PTPRN2: variants seen among roughly 807,000 people sequenced by gnomAD.
PTPRN2 encodes the protein protein tyrosine phosphatase receptor type N2.
In PTPRN2, 74 loss-of-function variants were observed where a neutral mutation model predicts 118.8. That is an observed-to-expected ratio of 0.62 (90% CI 0.52 to 0.76). PTPRN2 has a LOEUF of 0.76. Ranked by LOEUF, PTPRN2 falls within the 30% of genes least tolerant of loss-of-function variation. The pLI, the probability that PTPRN2 is intolerant of heterozygous loss-of-function variation, is 0.00. For missense variants in PTPRN2, 1,481 were observed against 1,394.4 expected (o/e 1.06, Z -0.99); for synonymous variants, 641 against 608.0 (o/e 1.05, Z -0.80).
chr7:157,952,153 C>A (rs1353507949), intron 11 of PTPRN2, among the ~76,000 whole-genome samples: 1 of 152,214 alleles, frequency 6.6e-6, no homozygotes, highest in Non-Finnish European at 1.5e-5. Context: ...GCCTCTCGGG[C>A]TGGGCAGGGA....
At chr7:157,672,715 C>T (rs551702524) in intron 13 of PTPRN2, among the ~76,000 whole-genome samples, 2 of 152,352 alleles carry the variant, frequency 1.3e-5, no homozygotes, top group Middle Eastern at 3.4e-3. Flanking sequence ...ATAGTCCCAG[C>T]ACTTATCACT....
chr7:158,534,816 C>G (rs1825549321), intron 1 of PTPRN2, among the ~76,000 whole-genome samples: 1 of 152,160 alleles, frequency 6.6e-6, no homozygotes, highest in Admixed American at 6.5e-5. Context: ...CAGATAACAT[C>G]CTGCTAGATC....
chr7:157,888,575 C>T (rs1422038316), intron 12 of PTPRN2, among the ~76,000 whole-genome samples: 2 of 151,122 alleles, frequency 1.3e-5, no homozygotes, highest in Admixed American at 1.3e-4. Flanking sequence ...TCCAATGCCC[C>T]TTCTCTTGAA....
Position 158,565,019 on chromosome 7 carries a change from C to T in PTPRN2, c.112+22539G>A, listed in dbSNP as rs1454651107. On this transcript the variant is annotated intron_variant, in intron 1 of 22. Transcript: ENST00000389418. The surrounding 1 kb of genome is among the most constrained non-coding windows in gnomAD (Gnocchi z 4.6). ...GCCCCACGTAACGGCTTTACACAAA[C>T]TCTAAAAAGTCATCCCAGCCATGCA... Among the ~76,000 whole-genome samples, 1 of 152,218 alleles carries T rather than the reference C, an allele frequency of 6.6e-6. No homozygotes were observed. Among genetic ancestry groups the T allele is most frequent in the Non-Finnish European group, 1.5e-5 (1 of 68,046 alleles).
intron 5 of PTPRN2, among the ~76,000 whole-genome samples, chr7:158,178,228 G>T (rs1379555402): frequency 6.6e-6 from 1 of 152,098 alleles, no homozygotes; most frequent in African/African-American, 2.4e-5. Flanking sequence ...AGCTTTTGGG[G>T]TACGCATGGT....
chr7:157,610,381 T>C lies in PTPRN2; in HGVS notation c.2345-6306A>G, dbSNP rs1184871330. On this transcript the variant is annotated intron_variant, in intron 15 of 22. Transcript: ENST00000389418. The surrounding 1 kb of genome is among the most constrained non-coding windows in gnomAD (Gnocchi z 5.1). ...AGTCATTTATGCTGGCAGGAGGCCC[T>C]CTTCTTCATGTTGATGGTGTGGCCT... 6.6e-6 allele frequency among the ~76,000 whole-genome samples: 1 copy of C among 152,214 alleles called. No individual in the cohort carries two copies. The highest frequency in any genetic ancestry group is 1.5e-5 in the Non-Finnish European group (1 of 68,038).
intron 2 of PTPRN2, among the ~76,000 whole-genome samples, chr7:158,451,940 T>G (rs1818120437): frequency 6.6e-6 from 1 of 152,172 alleles, no homozygotes; most frequent in Non-Finnish European, 1.5e-5. Context: ...GATTTTATTT[T>G]GGGGTAAGGA....
intron 2 of PTPRN2, among the ~76,000 whole-genome samples, chr7:158,400,805 C>T (rs1162159440): frequency 6.6e-6 from 1 of 152,030 alleles, no homozygotes; most frequent in Non-Finnish European, 1.5e-5. Flanking sequence ...CAGCCCTGCT[C>T]CATGCCTGCC....
At chr7:158,042,568 C>T (rs10949693) in intron 11 of PTPRN2, among the ~76,000 whole-genome samples, 65,082 of 152,098 alleles carry the variant, frequency 0.43, 14,756 homozygotes, top group Non-Finnish European at 0.52. Context: ...TTAACATCTT[C>T]GCAGTATCCC....
chr7:158,371,337 CAAA>C (rs201386674), intron 2 of PTPRN2, among the ~76,000 whole-genome samples: 1 of 139,552 alleles, frequency 7.2e-6, no homozygotes, highest in Admixed American at 7.2e-5. Context: ...CAAAGGAAAG[CAAA>C]AAAAAAAAAG....
At chr7:158,071,688 G>C (rs1467731926) in intron 11 of PTPRN2, among the ~76,000 whole-genome samples, 8 of 131,590 alleles carry the variant, frequency 6.1e-5, no homozygotes, top group East Asian at 2.3e-4. Flanking sequence ...GCTCCTGGTG[G>C]AGGTGCTTGT....
chr7:158,294,415 T>C (rs1800323373), intron 3 of PTPRN2, among the ~76,000 whole-genome samples: 4 of 152,210 alleles, frequency 2.6e-5, no homozygotes, highest in Admixed American at 2.6e-4. Flanking sequence ...GGCTCCCATA[T>C]TTTTTGTAAG....
intron 11 of PTPRN2, among the ~76,000 whole-genome samples, chr7:157,927,907 TGAA>T (rs1400076776): frequency 6.6e-6 from 1 of 152,042 alleles, no homozygotes; most frequent in African/African-American, 2.4e-5. Flanking sequence ...GGGCAATTCA[TGAA>T]GAAGAGAGGT....
intron 2 of PTPRN2, among the ~76,000 whole-genome samples, chr7:158,441,403 ATGGTAG>A (rs1186378766): frequency 6.5e-5 from 8 of 123,416 alleles, no homozygotes; most frequent in African/African-American, 2.3e-4. Flanking sequence ...AATGATGGTC[ATGGTAG>A]TGGTGGTGAT....
chr7:158,035,128 A>G (rs189898694), intron 11 of PTPRN2, among the ~76,000 whole-genome samples: 4 of 152,362 alleles, frequency 2.6e-5, no homozygotes, highest in East Asian at 3.9e-4. Flanking sequence ...GTGGATAGTC[A>G]GTGTGTTTAC....
chr7:158,279,489 C>A (rs1044781703), intron 3 of PTPRN2, among the ~76,000 whole-genome samples: 3 of 152,152 alleles, frequency 2.0e-5, no homozygotes, highest in African/African-American at 7.2e-5. Flanking sequence ...TCCCAGACAA[C>A]CAAGAGAAAA....
At chr7:157,988,280 G>A (rs899825689) in intron 11 of PTPRN2, among the ~76,000 whole-genome samples, 1 of 151,786 alleles carries the variant, frequency 6.6e-6, no homozygotes, top group African/African-American at 2.4e-5. Flanking sequence ...GTCACACGGA[G>A]AATTATCAGT....
chr7:158,368,245 C>G (rs933008700), intron 2 of PTPRN2, among the ~76,000 whole-genome samples: 1 of 152,204 alleles, frequency 6.6e-6, no homozygotes, highest in South Asian at 2.1e-4. Flanking sequence ...CTGAACCCAA[C>G]TGGAACATCC....
intron 3 of PTPRN2, among the ~76,000 whole-genome samples, chr7:158,300,853 G>A (rs1482576247): frequency 6.7e-6 from 1 of 149,794 alleles, no homozygotes; most frequent in African/African-American, 2.5e-5. Flanking sequence ...GACAGGGGCT[G>A]TTTCATGAAG....
Sources: allele counts gnomAD v4.1 joint callset (sites outside exome capture counted in the v4.1 genomes callset), GRCh38; gene constraint gnomAD v4.1.1; non-coding constraint Gnocchi (gnomAD v3.1); transcripts MANE v1.5; gene names NCBI Gene and HGNC (gene_info 2026-07-23, HGNC 2026-07-21).